Variants in DAB1 observed in about 807,000 individuals in gnomAD.
DAB1 encodes disabled homolog 1.
A neutral mutation model predicts 64.6 loss-of-function variants in DAB1; 15 were observed. That is an observed-to-expected ratio of 0.23 (90% CI 0.16 to 0.36). DAB1 has a LOEUF of 0.36. Among genes scored for constraint, DAB1 ranks in the 10% least tolerant of loss-of-function variants. DAB1 has a pLI of 1.00. For synonymous variants in DAB1, 235 were observed against 251.9 expected (o/e 0.93, Z 0.64); for missense variants, 596 against 706.7 (o/e 0.84, Z 1.78).
At chr1:57,597,873 T>C (rs1020008450) in intron 7 of DAB1, among the ~76,000 whole-genome samples, 11 of 152,288 alleles carry the variant, frequency 7.2e-5, no homozygotes, top group Non-Finnish European at 2.9e-5. Context: ...TCTTAAACTT[T>C]AAAATATGCA....
chr1:57,443,898 A>G (rs962297531), intron 7 of DAB1, among the ~76,000 whole-genome samples: 2 of 152,236 alleles, frequency 1.3e-5, no homozygotes, highest in Non-Finnish European at 1.5e-5. Context: ...TCACAGTAGC[A>G]GTTTAGAAAC....
intron 6 of DAB1, among the ~76,000 whole-genome samples, chr1:57,749,380 G>A (rs1160354915): frequency 6.6e-6 from 1 of 152,218 alleles, no homozygotes; most frequent in Admixed American, 6.5e-5. Context: ...GTCATTACCA[G>A]TCTGTAAGAA....
At chr1:57,109,000 C>T (rs1655414607) in intron 4 of DAB1, among the ~76,000 whole-genome samples, 1 of 152,180 alleles carries the variant, frequency 6.6e-6, no homozygotes, top group South Asian at 2.1e-4. Context: ...ACTTTGAATA[C>T]CGTCCCTAGC....
intron 7 of DAB1, among the ~76,000 whole-genome samples, chr1:57,644,917 T>C (rs183595941): frequency 2.4e-4 from 37 of 152,302 alleles, no homozygotes; most frequent in African/African-American, 7.9e-4. Context: ...CCTTGGTTTT[T>C]ACTGCTTTGC....
intron 1 of DAB1, among the ~76,000 whole-genome samples, chr1:57,294,034 C>T (rs1009329421): frequency 6.6e-6 from 1 of 152,122 alleles, no homozygotes; most frequent in Non-Finnish European, 1.5e-5. Context: ...ACAGTGTGGA[C>T]CCTGGCATCC....
intron 7 of DAB1, among the ~76,000 whole-genome samples, chr1:57,649,143 T>C (rs1462466566): frequency 6.6e-6 from 1 of 152,224 alleles, no homozygotes; most frequent in Non-Finnish European, 1.5e-5. Context: ...TTATCTTACA[T>C]ATTGTTTGAG....
chr1:57,470,853 A>G (rs536413855), intron 7 of DAB1, among the ~76,000 whole-genome samples: 4 of 152,374 alleles, frequency 2.6e-5, no homozygotes, highest in African/African-American at 9.6e-5. Flanking sequence ...CACAGTCCAG[A>G]TATTTCTCCC....
At chr1:58,201,085 C>T (rs538931318) in intron 4 of DAB1, among the ~76,000 whole-genome samples, 15 of 149,998 alleles carry the variant, frequency 1.0e-4, no homozygotes, top group South Asian at 4.3e-4. Flanking sequence ...GGTGTGATCT[C>T]GGCTCACTGC....
At chr1:58,525,664 G>A (rs1438035108) in intron 2 of DAB1, among the ~76,000 whole-genome samples, 10 of 152,046 alleles carry the variant, frequency 6.6e-5, no homozygotes, top group Admixed American at 6.5e-4. Context: ...TAAATGCAAT[G>A]CAATTCCAAT....
chr1:57,979,226 T>C (rs1570145864), intron 5 of DAB1, among the ~76,000 whole-genome samples: 1 of 152,216 alleles, frequency 6.6e-6, no homozygotes, highest in Admixed American at 6.5e-5. Flanking sequence ...TGGAATACTA[T>C]GCAGCCATAA....
At chr1:57,097,363 C>T (rs865818342) in intron 4 of DAB1, among the ~76,000 whole-genome samples, 2 of 152,142 alleles carry the variant, frequency 1.3e-5, no homozygotes, top group South Asian at 2.1e-4. Context: ...ATACTGAGCC[C>T]GAGCTGATGG....
intron 6 of DAB1, among the ~76,000 whole-genome samples, chr1:57,716,622 T>C (rs1275207243): frequency 6.6e-6 from 1 of 152,096 alleles, no homozygotes; most frequent in African/African-American, 2.4e-5. Context: ...TCCCAGACTA[T>C]GAAACTACTA....
chr1:57,523,783 G>A, intron 7 of DAB1, among the ~76,000 whole-genome samples: 1 of 151,980 alleles, frequency 6.6e-6, no homozygotes, highest in East Asian at 1.9e-4. Context: ...AAATTAGCCG[G>A]GTGTGATGGT....
chr1:57,991,672 C>T (rs1459634683), intron 5 of DAB1, among the ~76,000 whole-genome samples: 1 of 151,792 alleles, frequency 6.6e-6, no homozygotes, highest in Non-Finnish European at 1.5e-5. Context: ...ATGGCGAAAC[C>T]CCATCTCCGC....
intron 6 of DAB1, among the ~76,000 whole-genome samples, chr1:57,706,747 C>T (rs1415451326): frequency 5.9e-5 from 9 of 152,032 alleles, no homozygotes; most frequent in Non-Finnish European, 8.8e-5. Flanking sequence ...TGTTTTATCA[C>T]GTGTGAATTC....
intron 2 of DAB1, among the ~76,000 whole-genome samples, chr1:57,243,409 C>T (rs530564735): frequency 6.6e-6 from 1 of 152,174 alleles, no homozygotes; most frequent in African/African-American, 2.4e-5. Context: ...TACTTTTTGC[C>T]CCTCAACTCT....
chr1:57,802,479 G>A (rs1651173370), intron 6 of DAB1, among the ~76,000 whole-genome samples: 1 of 152,182 alleles, frequency 6.6e-6, no homozygotes, highest in South Asian at 2.1e-4. Flanking sequence ...AACAAAGCCT[G>A]TCGAGCCTAG....
chr1:57,387,981 C>T (rs1445967345), intron 1 of DAB1, among the ~76,000 whole-genome samples: 1 of 152,182 alleles, frequency 6.6e-6, no homozygotes, highest in Non-Finnish European at 1.5e-5. Context: ...TCTTCCTCCA[C>T]TCTTTCAACA....
At chr1:57,943,374 T>C (rs1405918342) in intron 5 of DAB1, among the ~76,000 whole-genome samples, 1 of 152,168 alleles carries the variant, frequency 6.6e-6, no homozygotes, top group Non-Finnish European at 1.5e-5. Flanking sequence ...TGAACCACTT[T>C]GTAGTAAGCT....
Sources: gnomAD v4.1 joint callset for allele counts (sites outside exome capture counted in the v4.1 genomes callset) on GRCh38, gnomAD v4.1.1 for gene constraint, MANE v1.5 for transcripts, NCBI Gene and HGNC (gene_info 2026-07-23, HGNC 2026-07-21) for gene names.